The following AUTS2 variants were observed in gnomAD, a reference collection of about 807,000 sequenced individuals.
AUTS2 encodes autism susceptibility gene 2 protein.
AUTS2 carries 17 observed loss-of-function variants against 112.4 expected under a neutral mutation model. The observed-to-expected ratio is 0.15, with a 90% confidence interval of 0.10 to 0.23. AUTS2 has a LOEUF of 0.23. Among genes scored for constraint, AUTS2 ranks in the 10% least tolerant of loss-of-function variants. The pLI, the probability that AUTS2 is intolerant of heterozygous loss-of-function variation, is 1.00. For missense variants in AUTS2, 1,510 were observed against 1,701.6 expected (o/e 0.89, Z 1.98); for synonymous variants, 751 against 702.7 (o/e 1.07, Z -1.09).
chr7:70,203,522 A>G (rs1241440175), intron 4 of AUTS2, among the ~76,000 whole-genome samples: 3 of 149,424 alleles, frequency 2.0e-5, no homozygotes, highest in Non-Finnish European at 3.0e-5. Flanking sequence ...AAAATAATTC[A>G]TAATTAGGAC....
rs1344666525 is a variant in AUTS2, at chr7:70,660,279, A to C, written c.691-38290A>C. ...ACAGTGTTGCAGTTCCTACCACTTC[A>C]CCCTGGGTCAATGAGATCTCAGTGT... On this transcript the variant is annotated intron_variant, in intron 5 of 18. Transcript: ENST00000342771. Among the ~76,000 whole-genome samples the C allele has an allele frequency of 2.6e-5, 4 of 152,112 alleles. No homozygotes were observed. The East Asian group carries it at 7.7e-4, about 29-fold the overall frequency.
chr7:70,252,229 T>C (rs1306038063), intron 4 of AUTS2, among the ~76,000 whole-genome samples: 2 of 152,192 alleles, frequency 1.3e-5, no homozygotes, highest in African/African-American at 2.4e-5. Context: ...CATGGCTGTA[T>C]TAAGTTACAT....
chr7:70,689,675 C>G (rs2129546202), intron 5 of AUTS2, among the ~76,000 whole-genome samples: 1 of 149,604 alleles, frequency 6.7e-6, no homozygotes, highest in African/African-American at 2.5e-5. Flanking sequence ...ACTCGGGAGG[C>G]TGAGGCAGGA....
At chr7:70,602,160 A>G (rs1045758072) in intron 5 of AUTS2, among the ~76,000 whole-genome samples, 2 of 130,338 alleles carry the variant, frequency 1.5e-5, no homozygotes, top group Non-Finnish European at 3.4e-5. Flanking sequence ...AAGAATTTCA[A>G]AACAGCAAAA....
chr7:70,390,956 G>A (rs1793824427), intron 4 of AUTS2, among the ~76,000 whole-genome samples: 1 of 152,156 alleles, frequency 6.6e-6, no homozygotes, highest in Admixed American at 6.5e-5. Flanking sequence ...GTTTGAGAAT[G>A]ACCGAATCTG....
chr7:69,920,432 A>G (rs897671308), intron 2 of AUTS2, among the ~76,000 whole-genome samples: 2 of 151,896 alleles, frequency 1.3e-5, no homozygotes, highest in African/African-American at 4.8e-5. Flanking sequence ...TACTACAGGT[A>G]TGCACCACCA....
At chr7:69,803,598 A>C (rs532200739) in intron 1 of AUTS2, among the ~76,000 whole-genome samples, 1 of 152,306 alleles carries the variant, frequency 6.6e-6, no homozygotes, top group African/African-American at 2.4e-5. Context: ...GTCAAAAAAC[A>C]AATCCCTGCC....
intron 6 of AUTS2, among the ~76,000 whole-genome samples, chr7:70,743,988 C>A (rs6460552): frequency 7.7e-4 from 116 of 151,194 alleles, no homozygotes; most frequent in East Asian, 3.9e-3. Flanking sequence ...CCCCCACCCC[C>A]GCCCCAGCCC....
chr7:70,369,708 T>G (rs1792752887), intron 4 of AUTS2, among the ~76,000 whole-genome samples: 1 of 152,206 alleles, frequency 6.6e-6, no homozygotes, highest in Admixed American at 6.5e-5. Context: ...GAATTAGTTG[T>G]TGCATGAGAG....
chr7:70,111,064 A>G (rs1219524942), intron 2 of AUTS2, among the ~76,000 whole-genome samples: 1 of 150,808 alleles, frequency 6.6e-6, no homozygotes, highest in Non-Finnish European at 1.5e-5. Context: ...TATTTTTAGT[A>G]GAGACGGGGT....
At chr7:70,230,908 G>A (rs1015061383) in intron 4 of AUTS2, among the ~76,000 whole-genome samples, 1 of 152,148 alleles carries the variant, frequency 6.6e-6, no homozygotes, top group African/African-American at 2.4e-5. Context: ...TCATTTCTAG[G>A]ATCAGAGCCT....
chr7:70,073,357 A>C (rs1584678057), intron 2 of AUTS2, among the ~76,000 whole-genome samples: 1 of 151,794 alleles, frequency 6.6e-6, no homozygotes, highest in East Asian at 1.9e-4. Context: ...CTAAAAATAC[A>C]GGAATTAGCT....
intron 5 of AUTS2, among the ~76,000 whole-genome samples, chr7:70,507,170 C>T (rs1798998221): frequency 6.6e-6 from 1 of 152,168 alleles, no homozygotes; most frequent in Non-Finnish European, 1.5e-5. Flanking sequence ...GCCTACCTTG[C>T]CTTGCGTATT....
chr7:70,026,143 G>A (rs532212081), intron 2 of AUTS2, among the ~76,000 whole-genome samples: 3 of 152,246 alleles, frequency 2.0e-5, no homozygotes, highest in African/African-American at 7.2e-5. Context: ...GGCTTTGGGT[G>A]GTACCTACTA....
At chr7:69,853,830 T>C (rs1792597514) in intron 1 of AUTS2, among the ~76,000 whole-genome samples, 1 of 152,104 alleles carries the variant, frequency 6.6e-6, no homozygotes, top group African/African-American at 2.4e-5. Context: ...TCTTTACTTT[T>C]AAAATTAAAA....
intron 4 of AUTS2, among the ~76,000 whole-genome samples, chr7:70,326,463 A>G (rs1485686118): frequency 6.6e-6 from 1 of 152,216 alleles, no homozygotes; most frequent in Non-Finnish European, 1.5e-5. Flanking sequence ...ACATGGCTTA[A>G]TAGTCCTTCT....
chr7:70,764,941 TCCA>T lies in AUTS2; in HGVS notation c.1412_1414del (p.Pro471del). 6.3e-7 allele frequency: 1 copy of T among 1,591,386 alleles called. No homozygotes were observed. Among genetic ancestry groups the T allele is most frequent in the South Asian group, 1.1e-5 (1 of 90,334 alleles). On this transcript the variant is annotated inframe_deletion, in exon 8 of 19. Coordinates refer to ENST00000342771, the MANE Select transcript of AUTS2 (RefSeq NM_015570.4). ...TTGCCCCTCCCACTGCTCTGCCTCC[TCCA>T]CCACCACTGACATCAGGAAGTCTGC...
intron 1 of AUTS2, among the ~76,000 whole-genome samples, chr7:69,716,244 C>T (rs541184088): frequency 1.3e-4 from 19 of 149,570 alleles, no homozygotes; most frequent in African/African-American, 4.6e-4. Context: ...GTGTGTGTGT[C>T]TGTGTGTGTG....
At chr7:69,858,565 G>T (rs1485675484) in intron 1 of AUTS2, among the ~76,000 whole-genome samples, 3 of 152,174 alleles carry the variant, frequency 2.0e-5, no homozygotes, top group Non-Finnish European at 2.9e-5. Flanking sequence ...AAATTTAAAT[G>T]CTTCCCCTGC....
Sources: allele counts gnomAD v4.1 joint callset (sites outside exome capture counted in the v4.1 genomes callset), GRCh38; gene constraint gnomAD v4.1.1; transcripts MANE v1.5; gene names NCBI Gene and HGNC (gene_info 2026-07-23, HGNC 2026-07-21).